Variants in SGCZ observed in about 807,000 individuals in gnomAD.
SGCZ encodes the protein zeta-sarcoglycan.
SGCZ carries 40 observed loss-of-function variants against 41.3 expected under a neutral mutation model. The ratio of observed to expected loss-of-function variants is 0.97; its 90% confidence interval spans 0.75 to 1.26. The LOEUF is 1.26. Ranked by LOEUF, SGCZ falls within the 50% of genes most tolerant of loss-of-function variation. The pLI, the probability that SGCZ is intolerant of heterozygous loss-of-function variation, is 0.00. For synonymous variants in SGCZ, 206 were observed against 137.5 expected, an observed-to-expected ratio of 1.50 and a Z score of -3.49; for missense variants, 552 against 369.8, an observed-to-expected ratio of 1.49 and a Z score of -4.04.
intron 5 of SGCZ, among the ~76,000 whole-genome samples, chr8:14,113,200 C>A (rs752995822): frequency 6.6e-6 from 1 of 152,072 alleles, no homozygotes; most frequent in African/African-American, 2.4e-5. Context: ...TTTTGCCCAG[C>A]ATTCAATACT....
At chr8:15,162,944 T>C (rs1280559157) in intron 1 of SGCZ, among the ~76,000 whole-genome samples, 1 of 152,124 alleles carries the variant, frequency 6.6e-6, no homozygotes, top group African/African-American at 2.4e-5. Flanking sequence ...GAAGTAAAAG[T>C]GGTCGGAGTA....
In SGCZ at chr8:14,565,434, T is replaced by G. The variant is rs941630021; in HGVS notation, c.40-10508A>C. 5.9e-5 allele frequency among the ~76,000 whole-genome samples: 9 copies of G among 152,062 alleles called. 1 individual carries two copies. The highest frequency in any genetic ancestry group is 8.8e-5 in the Non-Finnish European group (6 of 68,026). On this transcript the variant is annotated intron_variant, in intron 1 of 7. Transcript: ENST00000382080. ...GAAATACTTAGCCATTAATGCAATT[T>G]TGAAGGAGCCCAAGGTAGTCTTTTT...
At chr8:14,113,209 C>T (rs949578831) in intron 5 of SGCZ, among the ~76,000 whole-genome samples, 1 of 152,062 alleles carries the variant, frequency 6.6e-6, no homozygotes, top group Non-Finnish European at 1.5e-5. Context: ...GCATTCAATA[C>T]TCCTGTAATC....
intron 3 of SGCZ, among the ~76,000 whole-genome samples, chr8:14,297,459 C>T (rs1370732450): frequency 6.6e-6 from 1 of 150,994 alleles, no homozygotes; most frequent in African/African-American, 2.4e-5. Context: ...GTATCAAAAA[C>T]AGAAGTATCT....
intron 7 of SGCZ, among the ~76,000 whole-genome samples, chr8:14,099,536 C>T (rs1368918758): frequency 1.3e-5 from 2 of 152,056 alleles, no homozygotes; most frequent in African/African-American, 4.8e-5. Flanking sequence ...ACAAGCCTGA[C>T]CAACATGGCG....
intron 1 of SGCZ, among the ~76,000 whole-genome samples, chr8:15,108,407 C>G (rs915511376): frequency 3.3e-5 from 5 of 152,156 alleles, no homozygotes; most frequent in South Asian, 2.1e-4. Context: ...TATCTTTACA[C>G]ACCTGTAATC....
chr8:14,520,177 T>C (rs1016297944), intron 2 of SGCZ, among the ~76,000 whole-genome samples: 1 of 152,136 alleles, frequency 6.6e-6, no homozygotes, highest in Admixed American at 6.6e-5. Flanking sequence ...TGGTTCACAC[T>C]ATGTAAGAAT....
intron 2 of SGCZ, among the ~76,000 whole-genome samples, chr8:14,453,029 G>A (rs1244831023): frequency 6.6e-6 from 1 of 152,068 alleles, no homozygotes; most frequent in Non-Finnish European, 1.5e-5. Flanking sequence ...CTTGAACCCA[G>A]GAGGCAGAGG....
intron 1 of SGCZ, among the ~76,000 whole-genome samples, chr8:15,042,711 A>G (rs1363513863): frequency 2.0e-5 from 3 of 152,204 alleles, no homozygotes; most frequent in Admixed American, 6.5e-5. Context: ...ATGTCTAAAT[A>G]TAAATTTATA....
At chr8:15,066,042 C>T (rs930437494) in intron 1 of SGCZ, among the ~76,000 whole-genome samples, 2 of 152,112 alleles carry the variant, frequency 1.3e-5, no homozygotes, top group Non-Finnish European at 2.9e-5. Context: ...GGCGCGGTGG[C>T]TCACGCCTGT....
chr8:14,501,470 G>T (rs1027826195), intron 2 of SGCZ, among the ~76,000 whole-genome samples: 1 of 151,764 alleles, frequency 6.6e-6, no homozygotes, highest in Non-Finnish European at 1.5e-5. Context: ...ATTAAATATT[G>T]ACATATACCA....
At chr8:14,546,436 A>C (rs909098418) in intron 2 of SGCZ, among the ~76,000 whole-genome samples, 5 of 152,210 alleles carry the variant, frequency 3.3e-5, no homozygotes, top group African/African-American at 1.2e-4. Flanking sequence ...ACTAAACTGC[A>C]ATCACAGGGA....
At chr8:15,146,149 A>T (rs1209785923) in intron 1 of SGCZ, among the ~76,000 whole-genome samples, 1 of 150,636 alleles carries the variant, frequency 6.6e-6, no homozygotes, top group Non-Finnish European at 1.5e-5. Context: ...TAAGAAAAAA[A>T]TTGAAATAAA....
intron 2 of SGCZ, among the ~76,000 whole-genome samples, chr8:14,364,802 A>G (rs61053702): frequency 0.047 from 7,144 of 152,130 alleles, 553 homozygotes; most frequent in African/African-American, 0.16. Context: ...CCACTTGTCA[A>G]TCGTTTATAA....
intron 1 of SGCZ, among the ~76,000 whole-genome samples, chr8:14,863,841 C>T (rs555318494): frequency 1.1e-4 from 16 of 152,140 alleles, no homozygotes; most frequent in Admixed American, 6.5e-4. Context: ...CACTAATATA[C>T]TCAGGGGGGC....
intron 1 of SGCZ, among the ~76,000 whole-genome samples, chr8:14,747,398 C>A (rs1176548780): frequency 2.0e-5 from 3 of 152,098 alleles, no homozygotes; most frequent in East Asian, 1.9e-4. Context: ...GCCATAGCAA[C>A]CTGCAACAAT....
intron 3 of SGCZ, among the ~76,000 whole-genome samples, chr8:14,318,190 G>C (rs1240665177): frequency 6.6e-6 from 1 of 151,704 alleles, no homozygotes; most frequent in South Asian, 2.1e-4. Context: ...AAACAAGGAA[G>C]AGGAAAGGCG....
chr8:15,043,046 G>A (rs1333619453), intron 1 of SGCZ, among the ~76,000 whole-genome samples: 1 of 152,010 alleles, frequency 6.6e-6, no homozygotes, highest in Non-Finnish European at 1.5e-5. Flanking sequence ...TTAACCCATG[G>A]AGCACCACTG....
intron 1 of SGCZ, among the ~76,000 whole-genome samples, chr8:14,661,260 G>C (rs1484599641): frequency 6.6e-6 from 1 of 152,046 alleles, no homozygotes; most frequent in Non-Finnish European, 1.5e-5. Flanking sequence ...ACTTAAAATA[G>C]AATATTAAGC....
Sources: allele counts gnomAD v4.1 joint callset (sites outside exome capture counted in the v4.1 genomes callset), GRCh38; gene constraint gnomAD v4.1.1; transcripts MANE v1.5; gene names NCBI Gene and HGNC (gene_info 2026-07-23, HGNC 2026-07-21).